Variants in SH3PXD2A observed in about 807,000 individuals in gnomAD.
SH3PXD2A encodes SH3 and PX domains 2A.
A neutral mutation model predicts 115.2 loss-of-function variants in SH3PXD2A; 32 were observed. The ratio of observed to expected loss-of-function variants is 0.28; its 90% confidence interval spans 0.21 to 0.37. The LOEUF is 0.37. Ranked by LOEUF, SH3PXD2A falls within the 10% of genes least tolerant of loss-of-function variation. The pLI is 1.00. For synonymous variants in SH3PXD2A, 610 were observed against 629.1 expected (o/e 0.97, Z 0.45); for missense variants, 1,328 against 1,498.7 (o/e 0.89, Z 1.88).
At chr10:103,606,857 C>T (rs1211865131) in intron 13 of SH3PXD2A, among the ~76,000 whole-genome samples, 1 of 152,248 alleles carries the variant, frequency 6.6e-6, no homozygotes. Context: ...ACCTCCACCT[C>T]CCAGCCGCCT....
rs2036126204 is a variant in SH3PXD2A, at chr10:103,595,920, C to T, written c.*5896G>A. 1 of 152,656 alleles carries T rather than the reference C, an allele frequency of 6.6e-6. No homozygotes were observed. Among genetic ancestry groups the T allele is most frequent in the African/African-American group, 2.4e-5 (1 of 41,462 alleles). 9.5% of individuals were successfully genotyped at this position (152,656 alleles called of 1,614,324 possible). Reference sequence around the variant, plus strand: ...ACAGTGGGGCTGTTTTTCCCCAAAGCTGTGGGTCACTGATCCTGTCTTCTC... The same window carrying T: ...ACAGTGGGGCTGTTTTTCCCCAAAGTTGTGGGTCACTGATCCTGTCTTCTC... On this transcript the variant is annotated 3_prime_UTR_variant, in exon 15 of 15. Coordinates refer to ENST00000369774, the MANE Select transcript of SH3PXD2A (RefSeq NM_001394015.1).
At chr10:103,623,218 C>A (rs373184682) in intron 9 of SH3PXD2A, among the ~76,000 whole-genome samples, 18 of 152,128 alleles carry the variant, frequency 1.2e-4, no homozygotes, top group Admixed American at 7.2e-4. Flanking sequence ...GCCAGAGGCC[C>A]TGGCTCTGCT....
At chr10:103,791,839 T>G (rs910419528) in intron 2 of SH3PXD2A, among the ~76,000 whole-genome samples, 3 of 152,004 alleles carry the variant, frequency 2.0e-5, no homozygotes, top group Admixed American at 2.0e-4. Context: ...CCCAACACCC[T>G]CCAGCCGGAC....
intron 2 of SH3PXD2A, among the ~76,000 whole-genome samples, chr10:103,789,729 C>T (rs1428017330): frequency 1.4e-5 from 2 of 147,568 alleles, no homozygotes; most frequent in Non-Finnish European, 3.0e-5. Context: ...ACCTTTGGGC[C>T]TAGGAGCAGA....
chr10:103,694,721 G>T (rs2037804478), intron 5 of SH3PXD2A, among the ~76,000 whole-genome samples: 1 of 152,196 alleles, frequency 6.6e-6, no homozygotes, highest in South Asian at 2.1e-4. Flanking sequence ...TGCCCAATCT[G>T]GGGAAGGGCT....
chr10:103,692,157 C>T (rs1180137853), intron 6 of SH3PXD2A, among the ~76,000 whole-genome samples: 2 of 152,228 alleles, frequency 1.3e-5, no homozygotes, highest in East Asian at 1.9e-4. Context: ...TCCCCGCCCC[C>T]ACTTCAGCAC....
chr10:103,791,701 G>A (rs986030200), intron 2 of SH3PXD2A, among the ~76,000 whole-genome samples: 4 of 151,760 alleles, frequency 2.6e-5, no homozygotes, highest in Non-Finnish European at 5.9e-5. Flanking sequence ...ACCAGGTCCC[G>A]AGTTGCTCTG....
At chr10:103,688,748 G>C (rs1224076481) in intron 6 of SH3PXD2A, among the ~76,000 whole-genome samples, 1 of 152,186 alleles carries the variant, frequency 6.6e-6, no homozygotes, top group African/African-American at 2.4e-5. Flanking sequence ...AGTCACACAA[G>C]CTCTGTGAGC....
chr10:103,745,542 G>A (rs2038492018), intron 3 of SH3PXD2A, among the ~76,000 whole-genome samples: 2 of 152,240 alleles, frequency 1.3e-5, no homozygotes, highest in South Asian at 4.1e-4. Flanking sequence ...CATTTAGCAT[G>A]GAGCCCAGCC....
At chr10:103,695,283 G>T (rs1387295111) in intron 5 of SH3PXD2A, among the ~76,000 whole-genome samples, 1 of 152,158 alleles carries the variant, frequency 6.6e-6, no homozygotes, top group African/African-American at 2.4e-5. Context: ...GGCTACCCAG[G>T]CTGTTCCTAT....
At chr10:103,761,520 T>TAA (rs2038699550) in intron 3 of SH3PXD2A, among the ~76,000 whole-genome samples, 1 of 152,204 alleles carries the variant, frequency 6.6e-6, no homozygotes, top group South Asian at 2.1e-4. Flanking sequence ...ATTAAAATAA[T>TAA]AAGTTAAGTG....
chr10:103,651,784 C>T lies in SH3PXD2A; in HGVS notation c.604+9199G>A, dbSNP rs79791159. ...CAAAATCCCCCCCTCTTAGCTAGCA[C>T]GAGCAGGCATCTCTCCAGGTGGCCT... On this transcript the variant is annotated intron_variant, in intron 8 of 14. Transcript: ENST00000369774. 2.2e-3 allele frequency among the ~76,000 whole-genome samples: 329 copies of T among 152,348 alleles called. 2 individuals are homozygous for T. Among genetic ancestry groups the T allele is most frequent in the Middle Eastern group, 0.01 (3 of 294 alleles).
chr10:103,793,952 A>T (rs1228489930), intron 2 of SH3PXD2A, among the ~76,000 whole-genome samples: 1 of 152,232 alleles, frequency 6.6e-6, no homozygotes, highest in African/African-American at 2.4e-5. Context: ...TAATGAATAG[A>T]AAAATTAACA....
chr10:103,728,256 CCTAG>C (rs1431406152), intron 4 of SH3PXD2A, among the ~76,000 whole-genome samples: 1 of 152,180 alleles, frequency 6.6e-6, no homozygotes, highest in African/African-American at 2.4e-5. Flanking sequence ...GTGGCACCTA[CCTAG>C]CTGTTAGGAA....
chr10:103,670,873 T>A (rs2037449449), intron 6 of SH3PXD2A, among the ~76,000 whole-genome samples: 1 of 152,182 alleles, frequency 6.6e-6, no homozygotes, highest in African/African-American at 2.4e-5. Context: ...AGAATGTGGG[T>A]GTTGCTGCCT....
At chr10:103,835,061 G>A (rs1018428505) in intron 1 of SH3PXD2A, among the ~76,000 whole-genome samples, 11 of 152,252 alleles carry the variant, frequency 7.2e-5, no homozygotes, top group Non-Finnish European at 1.2e-4. Context: ...GAGCACACAG[G>A]TGGGGCAGAG....
In SH3PXD2A at chr10:103,601,359, C is replaced by A. The variant is rs1054423459; in HGVS notation, c.*457G>T. ...CACAATTCACAAATACAGCTTAGGA[C>A]AATACCAGGGATACCTGGGGTGGCA... On this transcript the variant is annotated 3_prime_UTR_variant, in exon 15 of 15. Coordinates refer to ENST00000369774, the MANE Select transcript of SH3PXD2A (RefSeq NM_001394015.1). 18 of 160,834 alleles carry A rather than the reference C, an allele frequency of 1.1e-4. No homozygotes were observed. Among genetic ancestry groups the A allele is most frequent in the Admixed American group, 2.9e-4 (5 of 17,124 alleles). The allele number at this position is 160,834 out of a possible 1,614,324, so 10.0% of individuals were successfully genotyped here.
chr10:103,812,343 G>A (rs1264756836), intron 1 of SH3PXD2A, among the ~76,000 whole-genome samples: 1 of 152,168 alleles, frequency 6.6e-6, no homozygotes, highest in Non-Finnish European at 1.5e-5. Flanking sequence ...GGCTAACCTT[G>A]CAATGGAAAT....
intron 6 of SH3PXD2A, among the ~76,000 whole-genome samples, chr10:103,688,599 G>T (rs2037709037): frequency 6.6e-6 from 1 of 152,234 alleles, no homozygotes; most frequent in African/African-American, 2.4e-5. Flanking sequence ...ACAGGCAAGA[G>T]GGAAGAGCAA....
Sources: allele counts gnomAD v4.1 joint callset (sites outside exome capture counted in the v4.1 genomes callset), GRCh38; gene constraint gnomAD v4.1.1; transcripts MANE v1.5; gene names NCBI Gene and HGNC (gene_info 2026-07-23, HGNC 2026-07-21).